Variants in PRELID2 observed in about 807,000 individuals in gnomAD.
PRELID2 encodes the protein PRELI domain-containing protein 2.
Under a neutral mutation model 28.4 loss-of-function variants are expected in PRELID2, and 25 were observed. That is an observed-to-expected ratio of 0.88 (90% CI 0.64 to 1.23). The LOEUF (loss-of-function observed/expected upper bound fraction) is 1.23, where lower values mean the gene tolerates loss of function less well. PRELID2 is among the 50% of genes most tolerant of loss of function. The pLI is 0.00. For missense variants in PRELID2, 201 were observed against 214.4 expected, an observed-to-expected ratio of 0.94 and a Z score of 0.39; for synonymous variants, 76 against 71.6, an observed-to-expected ratio of 1.06 and a Z score of -0.31.
At chr5:145,648,201 G>A (rs888613500) in intron 1 of PRELID2, among the ~76,000 whole-genome samples, 7 of 152,088 alleles carry the variant, frequency 4.6e-5, no homozygotes, top group African/African-American at 1.7e-4. Flanking sequence ...ACACATATAC[G>A]CTAAGGAGAC....
chr5:145,453,143 C>T, the PRELID2 span, among the ~76,000 whole-genome samples: 1 of 152,126 alleles, frequency 6.6e-6, no homozygotes, highest in Non-Finnish European at 1.5e-5. Context: ...TTATTTACTT[C>T]CCAAGCATGA....
chr5:145,233,289 C>T, the PRELID2 span, among the ~76,000 whole-genome samples: 1 of 152,048 alleles, frequency 6.6e-6, no homozygotes, highest in Non-Finnish European at 1.5e-5. Context: ...TTTGTCTGCT[C>T]CTCTCAAAAT....
chr5:145,421,242 C>T, the PRELID2 span, among the ~76,000 whole-genome samples: 4 of 147,684 alleles, frequency 2.7e-5, no homozygotes, highest in African/African-American at 9.9e-5. Context: ...ATGATGCTGG[C>T]CTCATAAAAT....
the PRELID2 span, among the ~76,000 whole-genome samples, chr5:145,264,967 T>TC: frequency 3.6e-5 from 3 of 84,484 alleles, no homozygotes; most frequent in African/African-American, 1.7e-4. Flanking sequence ...AGAGTGCAAC[T>TC]CTAAAAAAAA....
chr5:145,697,080 T>TATAC (rs1554084239), intron 1 of PRELID2, among the ~76,000 whole-genome samples: 113 of 85,832 alleles, frequency 1.3e-3, no homozygotes, highest in East Asian at 2.1e-3. Flanking sequence ...TATATATATA[T>TATAC]ACACACACAC....
intron 1 of PRELID2, among the ~76,000 whole-genome samples, chr5:145,480,283 C>T (rs12655244): frequency 0.04 from 6,107 of 152,190 alleles, 453 homozygotes; most frequent in East Asian, 0.37. Context: ...ATAGCAATCA[C>T]CTGCAGATGT....
At chr5:145,324,366 C>G in the PRELID2 span, among the ~76,000 whole-genome samples, 1 of 152,172 alleles carries the variant, frequency 6.6e-6, no homozygotes, top group African/African-American at 2.4e-5. Flanking sequence ...ATGTCTAAAA[C>G]TAATGAAGGG....
chr5:145,435,126 C>T, the PRELID2 span, among the ~76,000 whole-genome samples: 1 of 152,182 alleles, frequency 6.6e-6, no homozygotes, highest in African/African-American at 2.4e-5. Context: ...CCTTCACCAT[C>T]CTGGAACGTA....
At chr5:145,289,755 G>A in the PRELID2 span, among the ~76,000 whole-genome samples, 1 of 152,104 alleles carries the variant, frequency 6.6e-6, no homozygotes, top group Non-Finnish European at 1.5e-5. Context: ...ATCTTCACCA[G>A]AAAATGGTAC....
chr5:145,340,799 A>ATATATATC, the PRELID2 span, among the ~76,000 whole-genome samples: 1 of 134,922 alleles, frequency 7.4e-6, no homozygotes, highest in Non-Finnish European at 1.6e-5. Flanking sequence ...ATATATATAT[A>ATATATATC]TCCTCCCTAT....
chr5:145,471,691 C>T (rs1318770860), downstream of PRELID2: 1 of 152,008 alleles, frequency 6.6e-6, no homozygotes, highest in Non-Finnish European at 1.5e-5. Flanking sequence ...ACTGCTTCTT[C>T]CTTTTTCCCT....
chr5:145,391,819 T>C, the PRELID2 span, among the ~76,000 whole-genome samples: 2 of 152,124 alleles, frequency 1.3e-5, no homozygotes, highest in African/African-American at 4.8e-5. Flanking sequence ...AGTTCAAAGT[T>C]CCACAGATCT....
the PRELID2 span, among the ~76,000 whole-genome samples, chr5:145,423,904 A>G: frequency 6.1e-5 from 9 of 147,836 alleles, no homozygotes; most frequent in African/African-American, 2.0e-4. Flanking sequence ...TGATGTACAG[A>G]TGGGTTTTTG....
chr5:145,814,605 A>C (rs1446870916), intron 4 of PRELID2, among the ~76,000 whole-genome samples: 3 of 152,150 alleles, frequency 2.0e-5, no homozygotes, highest in Non-Finnish European at 4.4e-5. Flanking sequence ...TGGGCTTAAG[A>C]ATGGATTTTA....
At chr5:145,370,142 A>ATTGCT in the PRELID2 span, among the ~76,000 whole-genome samples, 3 of 151,942 alleles carry the variant, frequency 2.0e-5, no homozygotes, top group Non-Finnish European at 4.4e-5. Context: ...CCATTTGTCA[A>ATTGCT]TTTTGGGTTT....
rs1752510314 is a variant in PRELID2 at position 145,515,779 on chromosome 5, A to G, written n.71-42464T>C. Among the ~76,000 whole-genome samples, 4 of 152,268 alleles carry G rather than the reference A, an allele frequency of 2.6e-5. No homozygotes were observed. In the South Asian group the frequency reaches 8.3e-4, roughly 32 times the overall value. On this transcript the variant is annotated intron_variant and non_coding_transcript_variant, in intron 1 of 2. Coordinates refer to the PRELID2 transcript ENST00000510259. ...AAACCGAATGCAGCAGCACATCAAG[A>G]AGCTTATCCACCACGATCAAGTCGC...
intron 5 of PRELID2, among the ~76,000 whole-genome samples, chr5:145,773,760 G>T (rs1170772073): frequency 6.6e-6 from 1 of 152,168 alleles, no homozygotes; most frequent in African/African-American, 2.4e-5. Context: ...CTATTCATCA[G>T]ACTTAAGCTC....
At chr5:145,532,105 A>G (rs1486665081) in intron 1 of PRELID2, among the ~76,000 whole-genome samples, 1 of 152,000 alleles carries the variant, frequency 6.6e-6, no homozygotes, top group Non-Finnish European at 1.5e-5. Context: ...CGTCATCATC[A>G]TTTTCCTTCT....
rs1755314209 is a variant in PRELID2, at chr5:145,697,824, G to A, written n.70+67107C>T. 5.9e-5 allele frequency among the ~76,000 whole-genome samples: 9 copies of A among 152,188 alleles called. No individual in the cohort carries two copies. The South Asian group carries it at 1.9e-3, about 32-fold the overall frequency. On this transcript the variant is annotated intron_variant and non_coding_transcript_variant, in intron 1 of 2. Coordinates refer to the PRELID2 transcript ENST00000510259. ...GGAGACTGTGCCTTTAAGGTTTAAA[G>A]CATTTAATGCTTGAGAATTACAAGA...
Sources: allele counts gnomAD v4.1 joint callset (sites outside exome capture counted in the v4.1 genomes callset), GRCh38; gene constraint gnomAD v4.1.1; transcripts MANE v1.5; gene names NCBI Gene and HGNC (gene_info 2026-07-23, HGNC 2026-07-21).